LAMA2: variants seen among roughly 807,000 people sequenced by gnomAD.
LAMA2 encodes the protein laminin subunit alpha-2.
LAMA2 carries 269 observed loss-of-function variants against 364.8 expected under a neutral mutation model. The ratio of observed to expected loss-of-function variants is 0.74; its 90% CI spans 0.67 to 0.82. The LOEUF (loss-of-function observed/expected upper bound fraction) is 0.82, where lower values mean the gene tolerates loss of function less well. LAMA2 is among the 40% of genes least tolerant of loss of function. The pLI is 0.00. For synonymous variants in LAMA2, 1,379 were observed against 1,370.6 expected (o/e 1.01, Z -0.14); for missense variants, 3,807 against 3,873.2 (o/e 0.98, Z 0.45).
intron 30 of LAMA2, among the ~76,000 whole-genome samples, chr6:129,347,093 C>A (rs566599376): frequency 6.6e-6 from 1 of 152,134 alleles, no homozygotes; most frequent in Non-Finnish European, 1.5e-5. Flanking sequence ...GAATATCTAA[C>A]TCTCCTGAGG....
chr6:129,018,853 T>A (rs187560037), intron 1 of LAMA2, among the ~76,000 whole-genome samples: 3 of 152,310 alleles, frequency 2.0e-5, no homozygotes, highest in Non-Finnish European at 2.9e-5. Flanking sequence ...ATTCCATGTT[T>A]CTGTGTTTTA....
chr6:129,513,046 CT>C (rs1195770336), intron 63 of LAMA2, among the ~76,000 whole-genome samples: 1 of 152,196 alleles, frequency 6.6e-6, no homozygotes, highest in East Asian at 1.9e-4. Flanking sequence ...CTAAACACCT[CT>C]TTCAGCCCTG....
At chr6:129,405,481 CAG>C (rs1780200645) in intron 40 of LAMA2, among the ~76,000 whole-genome samples, 1 of 152,116 alleles carries the variant, frequency 6.6e-6, no homozygotes, top group Non-Finnish European at 1.5e-5. Context: ...CAACCTCAAA[CAG>C]AGAGTGATGG....
chr6:128,968,156 C>CT, intron 1 of LAMA2, among the ~76,000 whole-genome samples: 1 of 152,288 alleles, frequency 6.6e-6, no homozygotes, highest in East Asian at 1.9e-4. Flanking sequence ...TCTGCTGGCT[C>CT]TATTTTGTGA....
At chr6:128,975,792 G>A (rs1443431390) in intron 1 of LAMA2, among the ~76,000 whole-genome samples, 2 of 152,180 alleles carry the variant, frequency 1.3e-5, no homozygotes, top group African/African-American at 4.8e-5. Flanking sequence ...TGATTGTGAG[G>A]CCTCCCCAGC....
intron 29 of LAMA2, among the ~76,000 whole-genome samples, chr6:129,335,533 A>T (rs1414437545): frequency 6.6e-6 from 1 of 152,150 alleles, no homozygotes; most frequent in South Asian, 2.1e-4. Flanking sequence ...AATTTGTGGA[A>T]ATATTATTTT....
At chr6:129,005,197 A>G (rs998482854) in intron 1 of LAMA2, among the ~76,000 whole-genome samples, 2 of 152,104 alleles carry the variant, frequency 1.3e-5, no homozygotes, top group Admixed American at 1.3e-4. Context: ...TTTTTATGTA[A>G]GCCCATGAGG....
intron 8 of LAMA2, among the ~76,000 whole-genome samples, chr6:129,155,037 G>C (rs77946150): frequency 0.019 from 2,925 of 152,170 alleles, 112 homozygotes; most frequent in African/African-American, 0.066. Context: ...GACATAATAT[G>C]TTAAGATTTA....
Position 129,403,798 on chromosome 6 carries a change from CCTTT to C in LAMA2, c.5727-22_5727-19del. 2 of 1,607,794 alleles carry C rather than the reference CCTTT, an allele frequency of 1.2e-6. No individual in the cohort carries two copies. Among genetic ancestry groups the C allele is most frequent in the Non-Finnish European group, 8.5e-7 (1 of 1,175,556 alleles). ...GAGTACCATTGAGTGCCCTGACATT[CCTTT>C]TTTGAATCATCCCACCAGAATCCTT... On this transcript the variant is annotated intron_variant, in intron 39 of 64. Transcript: ENST00000421865.
intron 4 of LAMA2, among the ~76,000 whole-genome samples, chr6:129,112,694 C>T (rs1776227942): frequency 6.6e-6 from 1 of 151,012 alleles, no homozygotes; most frequent in African/African-American, 2.4e-5. Context: ...AGATCTCTAG[C>T]ACAGAAAAGT....
chr6:129,156,120 G>A (rs1355647289), intron 8 of LAMA2, among the ~76,000 whole-genome samples: 1 of 151,106 alleles, frequency 6.6e-6, no homozygotes, highest in Non-Finnish European at 1.5e-5. Flanking sequence ...AATTATGTTA[G>A]GTAATATGTT....
intron 41 of LAMA2, chr6:129,436,922 A>T (rs1781862180): frequency 6.6e-6 from 1 of 152,132 alleles, no homozygotes; most frequent in Admixed American, 6.6e-5. Flanking sequence ...TTGCACATAG[A>T]CAATGCTATT....
At chr6:129,273,617 G>T (rs759517106) in intron 17 of LAMA2, among the ~76,000 whole-genome samples, 69 of 152,140 alleles carry the variant, frequency 4.5e-4, no homozygotes, top group Non-Finnish European at 8.4e-4. Context: ...TTTATTTGTT[G>T]TGCATTTACT....
intron 27 of LAMA2, among the ~76,000 whole-genome samples, chr6:129,318,997 A>G (rs1250484620): frequency 2.0e-5 from 3 of 152,214 alleles, no homozygotes; most frequent in Non-Finnish European, 4.4e-5. Context: ...AAGGGTATTA[A>G]TATGTTATTT....
At chr6:129,023,199 A>C (rs1036190917) in intron 1 of LAMA2, among the ~76,000 whole-genome samples, 1 of 152,146 alleles carries the variant, frequency 6.6e-6, no homozygotes, top group African/African-American at 2.4e-5. Context: ...TTCTGAATCA[A>C]GTGAAGATTT....
intron 62 of LAMA2, among the ~76,000 whole-genome samples, chr6:129,511,100 C>G (rs565511355): frequency 6.6e-6 from 1 of 152,254 alleles, no homozygotes; most frequent in African/African-American, 2.4e-5. Context: ...CTCACTTCCT[C>G]TGTTTCTAAT....
At chr6:129,380,708 T>C (rs1778635494) in intron 34 of LAMA2, among the ~76,000 whole-genome samples, 1 of 152,328 alleles carries the variant, frequency 6.6e-6, no homozygotes, top group Middle Eastern at 3.4e-3. Context: ...TAAGAAGGGA[T>C]GAGTTTTGCA....
intron 32 of LAMA2, among the ~76,000 whole-genome samples, chr6:129,358,200 T>C (rs1394048433): frequency 6.6e-6 from 1 of 152,018 alleles, no homozygotes; most frequent in Non-Finnish European, 1.5e-5. Flanking sequence ...TTGTCAACCT[T>C]AGCATTGGTC....
At chr6:129,404,429 T>C (rs1381794780) in intron 40 of LAMA2, among the ~76,000 whole-genome samples, 1 of 152,240 alleles carries the variant, frequency 6.6e-6, no homozygotes, top group African/African-American at 2.4e-5. Flanking sequence ...AATTAATGAA[T>C]TTTTATGAAT....
Sources: gnomAD v4.1 joint callset for allele counts (sites outside exome capture counted in the v4.1 genomes callset) on GRCh38, gnomAD v4.1.1 for gene constraint, MANE v1.5 for transcripts, NCBI Gene and HGNC (gene_info 2026-07-23, HGNC 2026-07-21) for gene names.